The following YES1 variants were observed in gnomAD, a reference collection of about 807,000 sequenced individuals.
YES1 encodes the protein tyrosine-protein kinase Yes.
YES1 carries 39 observed loss-of-function variants against 70.4 expected under a neutral mutation model. The observed-to-expected ratio is 0.55, with a 90% CI of 0.43 to 0.72. The LOEUF is 0.72. YES1 is among the 30% of genes least tolerant of loss of function. The pLI is 0.00. For missense variants in YES1, 495 were observed against 644.8 expected, an observed-to-expected ratio of 0.77 and a Z score of 2.52; for synonymous variants, 198 against 218.6, an observed-to-expected ratio of 0.91 and a Z score of 0.83.
At chr18:801,599 T>C (rs1906825823) in intron 1 of YES1, among the ~76,000 whole-genome samples, 1 of 152,154 alleles carries the variant, frequency 6.6e-6, no homozygotes, top group African/African-American at 2.4e-5. Context: ...AAATAAATGA[T>C]ATAATTAGTA....
chr18:781,281 A>AAAAAAT lies in YES1; in HGVS notation c.-8-24452_-8-24447dup, dbSNP rs71363266. Reference sequence around the variant, plus strand: ...TGAAACTCTGTCTCAAAAAAAAAAAAAAAAATAAGAGGGCCTTGTATGATT... The same window carrying AAAAAAT: ...TGAAACTCTGTCTCAAAAAAAAAAAAAAAAATAAAAATAAGAGGGCCTTGTATGATT... On this transcript the variant is annotated intron_variant, in intron 1 of 11. Transcript: ENST00000314574. 9.2e-4 allele frequency among the ~76,000 whole-genome samples: 139 copies of AAAAAAT among 151,810 alleles called. 2 individuals are homozygous for AAAAAAT. The highest frequency in any genetic ancestry group is 7.9e-3 in the South Asian group (38 of 4,796).
At chr18:764,748 T>G (rs1490795826) in intron 1 of YES1, among the ~76,000 whole-genome samples, 2 of 152,208 alleles carry the variant, frequency 1.3e-5, no homozygotes, top group East Asian at 3.9e-4. Flanking sequence ...CTCTCTTTTT[T>G]TTGAGACGGA....
intron 10 of YES1, among the ~76,000 whole-genome samples, chr18:735,195 A>T (rs1172597547): frequency 1.3e-5 from 2 of 151,820 alleles, no homozygotes; most frequent in Non-Finnish European, 2.9e-5. Flanking sequence ...AAAAAGATAC[A>T]TCCACAAATG....
intron 1 of YES1, among the ~76,000 whole-genome samples, chr18:761,229 G>T (rs1265958444): frequency 6.8e-6 from 1 of 146,228 alleles, no homozygotes; most frequent in Admixed American, 7.0e-5. Context: ...GCCAAGCACT[G>T]TTCTTTGCCG....
At chr18:730,615 A>G (rs1208494642) in intron 11 of YES1, among the ~76,000 whole-genome samples, 1 of 152,128 alleles carries the variant, frequency 6.6e-6, no homozygotes, top group Non-Finnish European at 1.5e-5. Flanking sequence ...GCTTAATAAG[A>G]CTTATGCTTT....
At chr18:797,185 G>A (rs1399523649) in intron 1 of YES1, among the ~76,000 whole-genome samples, 1 of 152,062 alleles carries the variant, frequency 6.6e-6, no homozygotes, top group Non-Finnish European at 1.5e-5. Context: ...TAACCCAATA[G>A]TAAAACTGGT....
At chr18:792,485 G>A (rs756376118) in intron 1 of YES1, among the ~76,000 whole-genome samples, 72 of 151,612 alleles carry the variant, frequency 4.7e-4, no homozygotes, top group Admixed American at 1.2e-3. Context: ...TCACACCTGT[G>A]AATAGCACTA....
At chr18:725,440 A>G (rs1598881327) in intron 11 of YES1, among the ~76,000 whole-genome samples, 1 of 152,100 alleles carries the variant, frequency 6.6e-6, no homozygotes, top group East Asian at 1.9e-4. Flanking sequence ...AATCATTACT[A>G]TTTAGATTTT....
At chr18:782,856 G>A (rs903345542) in intron 1 of YES1, among the ~76,000 whole-genome samples, 7 of 151,980 alleles carry the variant, frequency 4.6e-5, no homozygotes, top group African/African-American at 9.7e-5. Flanking sequence ...CACCATGCCC[G>A]GCTAATTTTT....
Position 730,409 on chromosome 18 carries a change from A to C in YES1, c.1423+2425T>G, listed in dbSNP as rs1427869867. ...GCCCAGGCTGGAGTGCAGTGGCGCA[A>C]TCATAGCTCACTGCAGCTTCAAATT... On this transcript the variant is annotated intron_variant, in intron 11 of 11. Coordinates refer to ENST00000314574, the MANE Select transcript of YES1 (RefSeq NM_005433.4). Among the ~76,000 whole-genome samples the C allele has an allele frequency of 2.0e-5, 3 of 151,122 alleles. No individual in the cohort carries two copies. The East Asian group carries it at 5.8e-4, about 29-fold the overall frequency.
At position 722,899 on chromosome 18, in the gene YES1, T is replaced by A. The variant is rs569264257; in HGVS notation, c.*1525A>T. On this transcript the variant is annotated 3_prime_UTR_variant, in exon 12 of 12. Coordinates refer to ENST00000314574, the MANE Select transcript of YES1 (RefSeq NM_005433.4). ...CAAGGTCAGGAGATCGAGACTATCC[T>A]GGCTAACACGGTGAAACTGCGTCTC... 6.6e-6 allele frequency: 1 copy of A among 152,190 alleles called. No individual in the cohort carries two copies. The highest frequency in any genetic ancestry group is 1.5e-5 in the Non-Finnish European group (1 of 68,046). 9.4% of individuals were successfully genotyped at this position (152,190 alleles called of 1,614,324 possible).
At chr18:727,322 C>T (rs2080032704) in intron 11 of YES1, among the ~76,000 whole-genome samples, 1 of 152,058 alleles carries the variant, frequency 6.6e-6, no homozygotes, top group Admixed American at 6.6e-5. Flanking sequence ...ACTTTTCCAT[C>T]CTTTTAATTT....
chr18:779,630 G>A (rs1240567635), intron 1 of YES1, among the ~76,000 whole-genome samples: 1 of 152,068 alleles, frequency 6.6e-6, no homozygotes, highest in Non-Finnish European at 1.5e-5. Flanking sequence ...CACCTATCAA[G>A]TACTATTATG....
intron 1 of YES1, among the ~76,000 whole-genome samples, chr18:773,870 C>T (rs952918270): frequency 5.9e-5 from 9 of 151,692 alleles, no homozygotes; most frequent in Non-Finnish European, 1.0e-4. Flanking sequence ...CTTGCTCTGT[C>T]GCCCAGGCTA....
intron 1 of YES1, among the ~76,000 whole-genome samples, chr18:769,101 C>A (rs186723567): frequency 6.6e-6 from 1 of 152,136 alleles, no homozygotes; most frequent in East Asian, 1.9e-4. Context: ...ATAGGCTATA[C>A]CATATAGCCT....
At chr18:795,361 AT>A (rs1906484956) in intron 1 of YES1, among the ~76,000 whole-genome samples, 1 of 152,176 alleles carries the variant, frequency 6.6e-6, no homozygotes, top group Non-Finnish European at 1.5e-5. Flanking sequence ...CATAAAGGAA[AT>A]GTGACAAAAT....
chr18:772,618 G>A (rs1905210607), intron 1 of YES1, among the ~76,000 whole-genome samples: 1 of 151,764 alleles, frequency 6.6e-6, no homozygotes, highest in African/African-American at 2.4e-5. Context: ...TTTTAGTAGA[G>A]ACAGAGTTTC....
chr18:804,876 T>C (rs1202931438), intron 1 of YES1, among the ~76,000 whole-genome samples: 3 of 124,308 alleles, frequency 2.4e-5, no homozygotes, highest in Non-Finnish European at 4.7e-5. Context: ...ATCAAGCCAC[T>C]GCACTCCAGC....
At chr18:730,371 G>T (rs552440743) in intron 11 of YES1, among the ~76,000 whole-genome samples, 2 of 149,792 alleles carry the variant, frequency 1.3e-5, no homozygotes, top group Middle Eastern at 3.4e-3. Context: ...TTGAGACAGG[G>T]TCTTGCTCTG....
Sources: allele counts gnomAD v4.1 joint callset (sites outside exome capture counted in the v4.1 genomes callset), GRCh38; gene constraint gnomAD v4.1.1; transcripts MANE v1.5; gene names NCBI Gene and HGNC (gene_info 2026-07-23, HGNC 2026-07-21).